The following VRK2 variants were observed in gnomAD, a reference collection of about 807,000 sequenced individuals.
VRK2 encodes VRK serine/threonine kinase 2.
Under a neutral mutation model 57.6 loss-of-function variants are expected in VRK2, and 60 were observed. The ratio of observed to expected loss-of-function variants is 1.04; its 90% confidence interval spans 0.85 to 1.29. The LOEUF is 1.29. Ranked by LOEUF, VRK2 falls within the 50% of genes most tolerant of loss-of-function variation. VRK2 has a pLI of 0.00. For missense variants in VRK2, 705 were observed against 588.1 expected (o/e 1.20, Z -2.06); for synonymous variants, 231 against 199.2 (o/e 1.16, Z -1.35).
intron 2 of VRK2, among the ~76,000 whole-genome samples, chr2:58,059,827 A>G (rs1459517512): frequency 6.6e-6 from 1 of 151,728 alleles, no homozygotes; most frequent in African/African-American, 2.4e-5. Context: ...ATACTTTTTT[A>G]TTTGGTGTAT....
chr2:58,017,751 A>T (rs991733668), intron 1 of VRK2, among the ~76,000 whole-genome samples: 2 of 152,198 alleles, frequency 1.3e-5, no homozygotes, highest in Non-Finnish European at 2.9e-5. Flanking sequence ...TATGTGATTA[A>T]ATATGGAATA....
upstream of VRK2, among the ~76,000 whole-genome samples, chr2:58,045,514 T>C (rs1674674068): frequency 1.3e-5 from 2 of 152,238 alleles, no homozygotes; most frequent in South Asian, 4.1e-4. Flanking sequence ...GCATCTGTTA[T>C]ATAAATATCT....
intron 1 of VRK2, among the ~76,000 whole-genome samples, chr2:57,930,614 A>G (rs1670688884): frequency 1.3e-5 from 2 of 152,228 alleles, no homozygotes; most frequent in Non-Finnish European, 2.9e-5. Context: ...GAAGACTTCT[A>G]TTTAGCCGTT....
At chr2:58,138,178 T>C (rs549246946) in intron 10 of VRK2, among the ~76,000 whole-genome samples, 65 of 152,318 alleles carry the variant, frequency 4.3e-4, no homozygotes, top group African/African-American at 1.4e-3. Context: ...TTACCAATCT[T>C]CACAGGACCA....
chr2:57,997,181 T>G (rs1672951249), intron 1 of VRK2, among the ~76,000 whole-genome samples: 1 of 152,170 alleles, frequency 6.6e-6, no homozygotes, highest in Admixed American at 6.5e-5. Context: ...ATTTCTCCTT[T>G]GAGTTGCTCA....
chr2:58,073,350 G>A (rs961428029), intron 2 of VRK2, among the ~76,000 whole-genome samples: 26 of 151,994 alleles, frequency 1.7e-4, no homozygotes, highest in Middle Eastern at 3.4e-3. Flanking sequence ...CAGTTCAACC[G>A]TATTCTTATT....
chr2:57,930,502 T>G (rs1216392726), intron 1 of VRK2, among the ~76,000 whole-genome samples: 1 of 152,226 alleles, frequency 6.6e-6, no homozygotes, highest in Non-Finnish European at 1.5e-5. Context: ...TGCTTCTTTC[T>G]GTGATACAAA....
chr2:57,920,358 T>C (rs906375987), intron 1 of VRK2, among the ~76,000 whole-genome samples: 4 of 152,108 alleles, frequency 2.6e-5, no homozygotes, highest in Non-Finnish European at 4.4e-5. Flanking sequence ...GCCTGGCTAA[T>C]ACAGAATTTC....
intron 1 of VRK2, among the ~76,000 whole-genome samples, chr2:58,021,764 A>G (rs564563313): frequency 9.0e-4 from 137 of 152,140 alleles, no homozygotes; most frequent in Non-Finnish European, 1.6e-3. Flanking sequence ...ACCTTTCCAC[A>G]TTATCACAAT....
At chr2:58,153,190 G>A (rs538010779) in intron 12 of VRK2, among the ~76,000 whole-genome samples, 28 of 152,058 alleles carry the variant, frequency 1.8e-4, no homozygotes, top group Admixed American at 8.5e-4. Context: ...TGTTTCATTC[G>A]TCATCATGCC....
At chr2:58,036,682 G>A (rs564122954) in intron 3 of VRK2, among the ~76,000 whole-genome samples, 1 of 151,950 alleles carries the variant, frequency 6.6e-6, no homozygotes, top group Non-Finnish European at 1.5e-5. Flanking sequence ...CTAAAGAATA[G>A]ACCATTCTCA....
At chr2:57,909,526 T>C (rs906789003) in intron 1 of VRK2, among the ~76,000 whole-genome samples, 3 of 152,050 alleles carry the variant, frequency 2.0e-5, no homozygotes, top group African/African-American at 7.2e-5. Context: ...GATATAGTAC[T>C]GGATAAAACC....
chr2:57,958,073 C>G (rs1172392052), intron 1 of VRK2, among the ~76,000 whole-genome samples: 2 of 152,122 alleles, frequency 1.3e-5, no homozygotes, highest in African/African-American at 4.8e-5. Context: ...GGCACTCAGG[C>G]ATTGACACAC....
At chr2:57,982,715 C>T (rs1368214578) in intron 1 of VRK2, among the ~76,000 whole-genome samples, 1 of 152,158 alleles carries the variant, frequency 6.6e-6, no homozygotes, top group Non-Finnish European at 1.5e-5. Flanking sequence ...ACACTCAGAT[C>T]AGACTTACCC....
chr2:57,937,001 C>G (rs577559808), intron 1 of VRK2, among the ~76,000 whole-genome samples: 1 of 152,288 alleles, frequency 6.6e-6, no homozygotes, highest in Admixed American at 6.5e-5. Context: ...AGCAGGATTC[C>G]CAGATTCTAG....
intron 3 of VRK2, among the ~76,000 whole-genome samples, chr2:58,034,205 C>A (rs1160644700): frequency 1.3e-5 from 2 of 152,008 alleles, no homozygotes; most frequent in African/African-American, 4.8e-5. Context: ...TACTTAAACT[C>A]ACAAATTTCA....
At chr2:57,976,131 A>G (rs760508579) in intron 1 of VRK2, among the ~76,000 whole-genome samples, 2 of 152,130 alleles carry the variant, frequency 1.3e-5, no homozygotes, top group Non-Finnish European at 2.9e-5. Flanking sequence ...TCCATGGTGT[A>G]TATGTACCAC....
At chr2:57,986,903 T>C (rs995817116) in intron 1 of VRK2, among the ~76,000 whole-genome samples, 11 of 152,294 alleles carry the variant, frequency 7.2e-5, no homozygotes, top group South Asian at 4.1e-4. Context: ...CCAGCCTCAA[T>C]TGATTTTTGA....
intron 2 of VRK2, among the ~76,000 whole-genome samples, chr2:58,056,901 G>A (rs1024366794): frequency 1.3e-5 from 2 of 152,118 alleles, no homozygotes; most frequent in African/African-American, 2.4e-5. Flanking sequence ...GACTGGTTGT[G>A]GAAACAAATG....
Sources: allele counts gnomAD v4.1 joint callset (sites outside exome capture counted in the v4.1 genomes callset), GRCh38; gene constraint gnomAD v4.1.1; transcripts MANE v1.5; gene names NCBI Gene and HGNC (gene_info 2026-07-23, HGNC 2026-07-21).